Variants in LINGO2 observed in about 807,000 individuals in gnomAD.
LINGO2 encodes leucine-rich repeat and immunoglobulin-like domain-containing nogo receptor-interacting protein 2.
Under a neutral mutation model 30.6 loss-of-function variants are expected in LINGO2, and 14 were observed. The observed-to-expected ratio is 0.46, with a 90% CI of 0.30 to 0.72. LINGO2 has a LOEUF of 0.72. Ranked by LOEUF, LINGO2 falls within the 30% of genes least tolerant of loss-of-function variation. LINGO2 has a pLI of 0.07. For synonymous variants in LINGO2, 317 were observed against 288.5 expected, an observed-to-expected ratio of 1.10 and a Z score of -1.00; for missense variants, 729 against 751.7, an observed-to-expected ratio of 0.97 and a Z score of 0.35.
chr9:28,820,246 G>GAAA, the LINGO2 span, among the ~76,000 whole-genome samples: 13 of 138,922 alleles, frequency 9.4e-5, no homozygotes, highest in African/African-American at 2.9e-4. Flanking sequence ...GAGAAAAGAT[G>GAAA]AAAAAAAAAA....
chr9:28,893,248 C>G, the LINGO2 span, among the ~76,000 whole-genome samples: 1 of 151,994 alleles, frequency 6.6e-6, no homozygotes, highest in East Asian at 1.9e-4. Context: ...CCGTATTACC[C>G]ATTGAATCCT....
the LINGO2 span, among the ~76,000 whole-genome samples, chr9:28,726,973 T>A: frequency 6.6e-6 from 1 of 152,046 alleles, no homozygotes; most frequent in Non-Finnish European, 1.5e-5. Flanking sequence ...TGATGGGAGA[T>A]TGAGGAGGAG....
rs1242762518 is a variant in LINGO2 at position 28,372,887 on chromosome 9, A to C, written c.-278-19T>G. 1 of 152,578 alleles carries C rather than the reference A, an allele frequency of 6.6e-6. No individual in the cohort carries two copies. Among genetic ancestry groups the C allele is most frequent in the African/African-American group, 2.4e-5 (1 of 41,442 alleles). The allele number at this position is 152,578 out of a possible 1,614,324, so 9.5% of individuals were successfully genotyped here. On this transcript the variant is annotated intron_variant, in intron 2 of 5. Coordinates refer to ENST00000379992, the Ensembl canonical transcript of LINGO2. ...ACTTCACCTAAAAAATACAAAACAC[A>C]CACAAAAAGGAAACTGAAATAAAAG... is the stretch of plus-strand genomic sequence containing the variant.
chr9:29,081,390 G>C, the LINGO2 span, among the ~76,000 whole-genome samples: 12 of 152,094 alleles, frequency 7.9e-5, no homozygotes, highest in African/African-American at 2.9e-4. Context: ...AGCCCTTCAT[G>C]CTATAAACGC....
the LINGO2 span, chr9:27,938,618 C>T: frequency 3.3e-5 from 5 of 152,122 alleles, no homozygotes; most frequent in African/African-American, 1.2e-4. Context: ...GTCCTTAACG[C>T]CAGACTTGTG....
rs1564029581 is a variant in LINGO2 at position 28,189,687 on chromosome 9, GGAA to G, written c.-87+105518_-87+105520del. ...AGGAAGGGAGGAAGGAAGGAAGGGA[GGAA>G]GGAAGGGAGGGAGGAAGGAAGGAAG... On this transcript the variant is annotated intron_variant, in intron 4 of 5. Coordinates refer to ENST00000379992, the Ensembl canonical transcript of LINGO2. Among the ~76,000 whole-genome samples, 50 of 98,510 alleles carry G rather than the reference GGAA, an allele frequency of 5.1e-4. 3 individuals are homozygous for G. The highest frequency in any genetic ancestry group is 8.0e-4 in the Admixed American group (8 of 9,950). The allele number at this position is 98,510 out of a possible 152,430, so 64.6% of individuals were successfully genotyped here. A position where few individuals can be genotyped will look rare whatever the true frequency, so the allele number is the denominator to read the frequency against.
the LINGO2 span, among the ~76,000 whole-genome samples, chr9:28,769,508 ATATATATATATTTTTTTTTTTTTT>A: frequency 2.5e-3 from 7 of 2,832 alleles, 1 homozygote; most frequent in South Asian, 0.04. Context: ...ATATATATAT[ATATATATATATTTTTTTTTTTTTT>A]TTTTTTTTTT....
At chr9:28,939,609 T>C in the LINGO2 span, among the ~76,000 whole-genome samples, 110,693 of 152,098 alleles carry the variant, frequency 0.73, 40,551 homozygotes, top group Non-Finnish European at 0.78. Flanking sequence ...CATACTTTCA[T>C]AGAACTGTAA....
At chr9:28,343,835 C>T (rs1024381875) in intron 3 of LINGO2, among the ~76,000 whole-genome samples, 2 of 152,000 alleles carry the variant, frequency 1.3e-5, no homozygotes, top group Non-Finnish European at 2.9e-5. Context: ...GATGCCTAAA[C>T]GCGACATTAA....
chr9:28,350,686 C>G (rs538453876), intron 3 of LINGO2, among the ~76,000 whole-genome samples: 1 of 151,836 alleles, frequency 6.6e-6, no homozygotes, highest in Admixed American at 6.6e-5. Context: ...CCCAAATCAA[C>G]AGAATATACA....
intron 4 of LINGO2, among the ~76,000 whole-genome samples, chr9:28,140,848 C>A (rs1040969720): frequency 1.1e-4 from 16 of 152,130 alleles, no homozygotes; most frequent in Admixed American, 5.9e-4. Context: ...GGTCTTGGCA[C>A]AAGATACTAA....
the LINGO2 span, among the ~76,000 whole-genome samples, chr9:29,208,757 A>G: frequency 6.6e-6 from 1 of 152,170 alleles, no homozygotes; most frequent in East Asian, 1.9e-4. Context: ...ACTGAGCCTT[A>G]GAAAAAATAA....
the LINGO2 span, among the ~76,000 whole-genome samples, chr9:28,974,763 T>C: frequency 6.6e-6 from 1 of 152,222 alleles, no homozygotes; most frequent in Admixed American, 6.5e-5. Flanking sequence ...CCTGGTACTG[T>C]ATTTGTATTA....
chr9:28,321,167 T>C (rs1352011284), intron 3 of LINGO2, among the ~76,000 whole-genome samples: 1 of 152,176 alleles, frequency 6.6e-6, no homozygotes, highest in East Asian at 1.9e-4. Context: ...AAGAGTTGAA[T>C]ACAAACTATT....
At chr9:28,603,829 C>T (rs2135755835) in intron 1 of LINGO2, among the ~76,000 whole-genome samples, 1 of 152,112 alleles carries the variant, frequency 6.6e-6, no homozygotes, top group East Asian at 1.9e-4. Flanking sequence ...CCAGCAATAT[C>T]TCCAACAGCA....
chr9:29,029,309 T>C, the LINGO2 span, among the ~76,000 whole-genome samples: 1 of 152,110 alleles, frequency 6.6e-6, no homozygotes, highest in African/African-American at 2.4e-5. Flanking sequence ...ACCTCTAATA[T>C]TGTAGTAATA....
the LINGO2 span, among the ~76,000 whole-genome samples, chr9:28,836,966 C>T: frequency 6.6e-6 from 1 of 152,150 alleles, no homozygotes; most frequent in Admixed American, 6.5e-5. Flanking sequence ...AAAGTTGGTA[C>T]TATTCTATAC....
intron 1 of LINGO2, among the ~76,000 whole-genome samples, chr9:28,641,321 C>A (rs1827566961): frequency 6.6e-6 from 1 of 152,084 alleles, no homozygotes; most frequent in Non-Finnish European, 1.5e-5. Flanking sequence ...CAGGCGTGAG[C>A]CACCGCGCCC....
At chr9:28,989,174 A>G in the LINGO2 span, among the ~76,000 whole-genome samples, 1 of 152,200 alleles carries the variant, frequency 6.6e-6, no homozygotes, top group Non-Finnish European at 1.5e-5. Context: ...ATTCAATTCC[A>G]TTCCTGTCCA....
Sources: gnomAD v4.1 joint callset for allele counts (sites outside exome capture counted in the v4.1 genomes callset) on GRCh38, gnomAD v4.1.1 for gene constraint, MANE v1.5 for transcripts, NCBI Gene and HGNC (gene_info 2026-07-23, HGNC 2026-07-21) for gene names.